Variants in SAG observed in about 807,000 individuals in gnomAD.
The protein encoded by SAG is S-arrestin.
A neutral mutation model predicts 55.0 loss-of-function variants in SAG; 45 were observed. That is an observed-to-expected ratio of 0.82 (90% CI 0.64 to 1.05). SAG has a LOEUF of 1.05. Among genes scored for constraint, SAG ranks in the 50% least tolerant of loss-of-function variants. The pLI is 0.00. For synonymous variants in SAG, 189 were observed against 197.4 expected, an observed-to-expected ratio of 0.96 and a Z score of 0.36; for missense variants, 455 against 512.1, an observed-to-expected ratio of 0.89 and a Z score of 1.08.
Position 233,338,670 on chromosome 2 carries a change from G to A in SAG, c.945-6G>A, listed in dbSNP as rs768503847. 18 of 1,612,788 alleles carry A rather than the reference G, an allele frequency of 1.1e-5. No homozygotes were observed. Among genetic ancestry groups the A allele is most frequent in the Non-Finnish European group, 1.5e-5 (18 of 1,178,912 alleles). On this transcript the variant is annotated splice_polypyrimidine_tract_variant and splice_region_variant and intron_variant, in intron 11 of 15. Coordinates refer to ENST00000409110, the MANE Select transcript of SAG (RefSeq NM_000541.5). ...ATCATTCTCCTTTTCCCTTCTGTTT[G>A]GGCAGCATTAAGGAGGGCATAGACC...
At position 233,319,047 on chromosome 2, in the gene SAG, C is replaced by G; in HGVS notation, c.181+252C>G. ...GGGTGGCAGATAAGTAGATGGTAGACGGAGCCCAGGTCTGTGGCCCCCATT... is the reference window on the plus strand; with the variant it reads ...GGGTGGCAGATAAGTAGATGGTAGAGGGAGCCCAGGTCTGTGGCCCCCATT... On this transcript the variant is annotated intron_variant, in intron 4 of 15. Coordinates refer to ENST00000409110, the MANE Select transcript of SAG (RefSeq NM_000541.5). The surrounding 1 kb of genome is among the most constrained non-coding windows in gnomAD (Gnocchi z 4.4). The G allele has an allele frequency of 5.9e-6, 4 of 680,134 alleles. No individual in the cohort carries two copies. The highest frequency in any genetic ancestry group is 2.4e-4 in the Middle Eastern group (1 of 4,104). 42.1% of individuals were successfully genotyped at this position (680,134 alleles called of 1,614,324 possible).
chr2:233,344,654 G>A (rs1437287652), intron 14 of SAG: 1 of 152,122 alleles, frequency 6.6e-6, no homozygotes, highest in African/African-American at 2.4e-5. Context: ...AGAGATATGA[G>A]ATAGATATGA....
rs185626336 is a variant in SAG at position 233,342,297 on chromosome 2, G to A, written c.1073G>A (p.Arg358His). ...GAAGTCGCCACTGAGGTCCCATTCC[G>A]CCTCATGCACCCTCAGCCTGAGGAC... ...SSEVATEVPF[R>H]LMHPQPEDPA... is the part of the protein sequence containing the mutation. Residue 358 changes from arginine to histidine, a missense_variant, in exon 14 of 16, where the codon CGC (arginine) becomes CAC (histidine). Physicochemically the swap from Arg to His is conservative, Grantham distance 29. Coordinates refer to ENST00000409110, the MANE Select transcript of SAG (RefSeq NM_000541.5). 29 of 1,608,796 alleles carry A rather than the reference G, an allele frequency of 1.8e-5. No homozygotes were observed. In the African/African-American group the frequency reaches 2.3e-4, roughly 13 times the overall value.
chr2:233,329,399 A>C, intron 8 of SAG, 94 bp from the exon 9 acceptor site: 1 of 766,490 alleles, frequency 1.3e-6, no homozygotes, highest in South Asian at 1.5e-5. Context: ...CTTTTATTCC[A>C]GTGAAAGGGA....
chr2:233,323,112 G>T, intron 6 of SAG, 107 bp downstream of exon 6: 2 of 739,744 alleles, frequency 2.7e-6, no homozygotes, highest in Non-Finnish European at 4.7e-6. Flanking sequence ...ATGCTGGGGT[G>T]CAGTGGCGTG....
chr2:233,329,102 G>A (rs1574943068), intron 8 of SAG: 9 of 249,706 alleles, frequency 3.6e-5, no homozygotes, highest in Middle Eastern at 1.4e-3. Flanking sequence ...TGGTTCCTCT[G>A]GTCAGCAGTC....
chr2:233,341,637 AAC>A (rs1701106167), intron 13 of SAG, among the ~76,000 whole-genome samples: 1 of 152,228 alleles, frequency 6.6e-6, no homozygotes, highest in African/African-American at 2.4e-5. Context: ...CAATATCCAG[AAC>A]AGGCAAATCT....
chr2:233,318,674 A>C, intron 3 of SAG, 77 bp from the exon 4 acceptor site: 10 of 1,162,926 alleles, frequency 8.6e-6, no homozygotes, highest in Admixed American at 1.7e-5. Context: ...AATTAAAAAC[A>C]TGCGCAGTTT....
intron 1 of SAG, 28 bp downstream of exon 1, chr2:233,308,050 T>G (rs1038762728): frequency 8.5e-5 from 13 of 152,564 alleles, no homozygotes; most frequent in African/African-American, 2.9e-4. Context: ...GCCAAAACCT[T>G]ATCAGAAACC....
chr2:233,318,331 A>ATT (rs75087181), intron 3 of SAG, among the ~76,000 whole-genome samples: 19 of 145,906 alleles, frequency 1.3e-4, no homozygotes, highest in East Asian at 7.9e-4. Context: ...CACCCAGCTA[A>ATT]TTTTTTTTTT....
chr2:233,334,922 C>T (rs368170515), intron 10 of SAG, 40 bp from the exon 11 acceptor site: 2 of 1,610,214 alleles, frequency 1.2e-6, no homozygotes, highest in Non-Finnish European at 1.7e-6. Context: ...TCCATGGCAG[C>T]TTTGATGGTT....
intron 6 of SAG, among the ~76,000 whole-genome samples, chr2:233,323,245 G>C (rs755003244): frequency 3.9e-5 from 6 of 152,166 alleles, no homozygotes; most frequent in Non-Finnish European, 7.3e-5. Flanking sequence ...TTTGTGTGGA[G>C]GCGGGGTTTC....
chr2:233,314,083 A>G (rs1191189953), intron 2 of SAG, among the ~76,000 whole-genome samples: 4 of 152,074 alleles, frequency 2.6e-5, no homozygotes, highest in Middle Eastern at 6.8e-3. Context: ...TTAGCTGGGC[A>G]TGGTGGCGTG....
Position 233,319,888 on chromosome 2 carries a change from C to G in SAG, c.182-742C>G, listed in dbSNP as rs2125327317. 2 of 985,736 alleles carry G rather than the reference C, an allele frequency of 2.0e-6. No homozygotes were observed. Among genetic ancestry groups the G allele is most frequent in the East Asian group, 2.3e-4 (2 of 8,826 alleles). The allele number at this position is 985,736 out of a possible 1,614,324, so 61.1% of individuals were successfully genotyped here. A position where few individuals can be genotyped will look rare whatever the true frequency, so the allele number is the denominator to read the frequency against. On this transcript the variant is annotated intron_variant, in intron 4 of 15. Coordinates refer to ENST00000409110, the MANE Select transcript of SAG (RefSeq NM_000541.5). The surrounding 1 kb of genome is among the most constrained non-coding windows in gnomAD (Gnocchi z 4.4). ...ACCTTTGGGGCTTGCAGGCAAAATT[C>G]TCAACCAACAGCTACCACGCACTTG...
At chr2:233,328,353 C>G (rs1011775850) in intron 7 of SAG, 125 bp from the exon 8 acceptor site, 2 of 1,222,010 alleles carry the variant, frequency 1.6e-6, no homozygotes, top group South Asian at 1.5e-5. Flanking sequence ...GCCCTCTTCC[C>G]GTCCACCCTG....
Position 233,319,890 on chromosome 2 carries a change from C to G in SAG, c.182-740C>G. ...CTTTGGGGCTTGCAGGCAAAATTCT[C>G]AACCAACAGCTACCACGCACTTGGC... On this transcript the variant is annotated intron_variant, in intron 4 of 15. Transcript: ENST00000409110. This position sits in a 1 kb window ranked among gnomAD's most constrained non-coding sequence, Gnocchi z 4.4. 1.0e-6 allele frequency: 1 copy of G among 985,726 alleles called. No individual in the cohort carries two copies. Among genetic ancestry groups the G allele is most frequent in the Non-Finnish European group, 1.2e-6 (1 of 829,948 alleles). 61.1% of individuals were successfully genotyped at this position (985,726 alleles called of 1,614,324 possible).
At position 233,309,215 on chromosome 2, in the gene SAG, A is replaced by T; in HGVS notation, c.26A>T (p.Lys9Met). The T allele has an allele frequency of 6.2e-7, 1 of 1,613,882 alleles. No individual in the cohort carries two copies. Among genetic ancestry groups the T allele is most frequent in the Non-Finnish European group, 8.5e-7 (1 of 1,179,816 alleles). The change falls in exon 2 of 16, where the codon AAG becomes ATG. Residue 9 changes from lysine (K) to methionine (M), a missense_variant. Coordinates refer to ENST00000409110, the MANE Select transcript of SAG (RefSeq NM_000541.5). ...ATGGCAGCCAGCGGGAAGACCAGCA[A>T]GTCCGAACCGAACCATGTTATCTTC... MAASGKTS[K>M]SEPNHVIFKK...
At chr2:233,315,253 T>TCA (rs1406477685) in intron 2 of SAG, among the ~76,000 whole-genome samples, 1 of 145,622 alleles carries the variant, frequency 6.9e-6, no homozygotes, top group Non-Finnish European at 1.5e-5. Context: ...TCTCCAGAAC[T>TCA]CACACCTCTT....
chr2:233,343,532 T>C (rs1424952465), intron 14 of SAG: 21 of 357,092 alleles, frequency 5.9e-5, no homozygotes, highest in Non-Finnish European at 1.0e-4. Flanking sequence ...AATAGTTGTA[T>C]GACTCTGAAA....
Sources: gnomAD v4.1 joint callset for allele counts (sites outside exome capture counted in the v4.1 genomes callset) on GRCh38, gnomAD v4.1.1 for gene constraint, Gnocchi (gnomAD v3.1) non-coding constraint, MANE v1.5 for transcripts, NCBI Gene and HGNC (gene_info 2026-07-23, HGNC 2026-07-21) for gene names.